Variants in SHB observed in about 807,000 individuals in gnomAD.
The protein encoded by SHB is SH2 domain-containing adapter protein B.
SHB carries 20 observed loss-of-function variants against 52.3 expected under a neutral mutation model. The ratio of observed to expected loss-of-function variants is 0.38; its 90% CI spans 0.27 to 0.56. The LOEUF is 0.56. Ranked by LOEUF, SHB falls within the 20% of genes least tolerant of loss-of-function variation. The probability of loss-of-function intolerance (pLI) is 0.71; values close to 1 mark genes in which losing one functional copy is unlikely to be tolerated. For missense variants in SHB, 825 were observed against 723.3 expected (o/e 1.14, Z -1.61); for synonymous variants, 397 against 316.5 (o/e 1.25, Z -2.70).
intron 1 of SHB, among the ~76,000 whole-genome samples, chr9:38,032,437 T>A (rs1046978926): frequency 1.3e-5 from 2 of 152,066 alleles, no homozygotes; most frequent in Non-Finnish European, 2.9e-5. Context: ...CAGGAAGAGA[T>A]CTCTGAAGGG....
At chr9:38,055,455 G>A (rs759879592) in intron 1 of SHB, among the ~76,000 whole-genome samples, 10 of 152,152 alleles carry the variant, frequency 6.6e-5, no homozygotes, top group Non-Finnish European at 1.3e-4. Context: ...GGGTGCAGAG[G>A]AAGAACCTGG....
In SHB at chr9:37,917,149, T is replaced by G. The variant is rs945088218; in HGVS notation, c.*2672A>C. On this transcript the variant is annotated 3_prime_UTR_variant, in exon 6 of 6. Transcript: ENST00000377707. ...CAATTGTTAGATGTCCAAGAAAACATGAATACAGGCTGACACAGGAAACGG... is the reference window on the plus strand; with the variant it reads ...CAATTGTTAGATGTCCAAGAAAACAGGAATACAGGCTGACACAGGAAACGG... 2.0e-5 allele frequency among the ~76,000 whole-genome samples: 3 copies of G among 151,720 alleles called. No homozygotes were observed. The highest frequency in any genetic ancestry group is 7.3e-5 in the African/African-American group (3 of 41,248).
At chr9:38,044,519 T>C (rs985712208) in intron 1 of SHB, among the ~76,000 whole-genome samples, 1 of 152,064 alleles carries the variant, frequency 6.6e-6, no homozygotes, top group African/African-American at 2.4e-5. Context: ...AAGCTCTCCA[T>C]AGAGGAGGTG....
At chr9:38,037,639 C>T (rs772472970) in intron 1 of SHB, among the ~76,000 whole-genome samples, 1 of 152,170 alleles carries the variant, frequency 6.6e-6, no homozygotes, top group Non-Finnish European at 1.5e-5. Flanking sequence ...ACAGGAGGGG[C>T]TCAACTGTGT....
chr9:37,989,089 A>ACT (rs5897711), intron 2 of SHB, among the ~76,000 whole-genome samples: 63,214 of 150,622 alleles, frequency 0.42, 13,287 homozygotes, highest in East Asian at 0.7. Context: ...ACACACACAC[A>ACT]CTCTCTCTCA....
At chr9:38,049,413 A>T (rs1409630555) in intron 1 of SHB, among the ~76,000 whole-genome samples, 3 of 152,070 alleles carry the variant, frequency 2.0e-5, no homozygotes, top group Non-Finnish European at 4.4e-5. Context: ...GTTTGAAACC[A>T]GCCTAGCCAA....
rs753188670 is a variant in SHB, at chr9:37,955,988, A to T, written c.1121T>A (p.Leu374His). 4 of 1,600,940 alleles carry T rather than the reference A, an allele frequency of 2.5e-6. No individual in the cohort carries two copies. The South Asian group carries it at 4.5e-5, about 18-fold the overall frequency. The change falls in exon 4 of 6, where the codon CTT (leucine) becomes CAT (histidine). Residue 374 changes from leucine to histidine, a missense_variant. Leu to His is a moderately conservative substitution (Grantham distance 99). Coordinates refer to ENST00000377707, the MANE Select transcript of SHB (RefSeq NM_003028.3). The part of the protein sequence containing the change: ...PSPSRDRRRQ[L>H]RAPGGGFKPI... ...CTTAAAGCCCCCTCCAGGGGCACGA[A>T]GCTGGCGCCGCCGGTCCCGCGAAGG...
intron 2 of SHB, among the ~76,000 whole-genome samples, chr9:37,985,401 T>G (rs1190184095): frequency 2.6e-5 from 4 of 152,258 alleles, no homozygotes; most frequent in Non-Finnish European, 5.9e-5. Flanking sequence ...AAAGGCCACG[T>G]GGACCTTGCC....
intron 5 of SHB, among the ~76,000 whole-genome samples, chr9:37,928,548 C>T (rs1295302989): frequency 5.3e-5 from 8 of 152,210 alleles, no homozygotes. Flanking sequence ...TACCCTACGA[C>T]GCACAGCACA....
chr9:38,015,866 T>C, intron 2 of SHB, 145 bp downstream of exon 2: 1 of 780,408 alleles, frequency 1.3e-6, no homozygotes, highest in African/African-American at 1.7e-5. Flanking sequence ...GGGGAAGACT[T>C]AATACAGCAT....
At chr9:37,974,950 CAG>C (rs1355067079) in intron 2 of SHB, 113 bp from the exon 3 acceptor site, 6 of 867,926 alleles carry the variant, frequency 6.9e-6, no homozygotes, top group Non-Finnish European at 7.4e-6. Flanking sequence ...GTGAGAACGA[CAG>C]AGAGACAGAC....
chr9:37,922,625 A>G (rs921479729), intron 5 of SHB, among the ~76,000 whole-genome samples: 1 of 152,214 alleles, frequency 6.6e-6, no homozygotes, highest in Non-Finnish European at 1.5e-5. Flanking sequence ...CAGACTGGTC[A>G]TGAAGCTCAG....
intron 4 of SHB, among the ~76,000 whole-genome samples, chr9:37,951,903 G>GC (rs1255595004): frequency 3.9e-5 from 6 of 152,236 alleles, no homozygotes; most frequent in African/African-American, 1.2e-4. Context: ...GCGGTCCTGT[G>GC]GGGGGCTACA....
At chr9:37,962,334 G>A (rs1025935938) in intron 3 of SHB, among the ~76,000 whole-genome samples, 9 of 152,064 alleles carry the variant, frequency 5.9e-5, no homozygotes, top group Non-Finnish European at 8.8e-5. Context: ...CTAAATTCCC[G>A]ATACCTAAAA....
At chr9:37,972,411 A>C (rs1820600595) in intron 3 of SHB, among the ~76,000 whole-genome samples, 1 of 152,210 alleles carries the variant, frequency 6.6e-6, no homozygotes, top group South Asian at 2.1e-4. Context: ...CTACAGCCAC[A>C]GGATGACTCT....
chr9:38,049,051 C>T (rs995280642), intron 1 of SHB, among the ~76,000 whole-genome samples: 2 of 152,166 alleles, frequency 1.3e-5, no homozygotes, highest in African/African-American at 2.4e-5. Flanking sequence ...GACAGAGTCT[C>T]GCTCTGTCAC....
At chr9:38,063,160 G>A (rs1821916822) in intron 1 of SHB, among the ~76,000 whole-genome samples, 1 of 152,180 alleles carries the variant, frequency 6.6e-6, no homozygotes. Flanking sequence ...AGTGTCCCAA[G>A]CCAAACCACA....
chr9:38,026,197 TG>T (rs1821340241), intron 1 of SHB, among the ~76,000 whole-genome samples: 1 of 152,200 alleles, frequency 6.6e-6, no homozygotes, highest in South Asian at 2.1e-4. Flanking sequence ...GCCTTTCCTG[TG>T]CAATGTGGTA....
intron 5 of SHB, among the ~76,000 whole-genome samples, chr9:37,933,427 A>G (rs1036761166): frequency 6.6e-6 from 1 of 152,200 alleles, no homozygotes; most frequent in Non-Finnish European, 1.5e-5. Flanking sequence ...AAGGAAGGAT[A>G]TTAAACAAAA....
Sources: allele counts gnomAD v4.1 joint callset (sites outside exome capture counted in the v4.1 genomes callset), GRCh38; gene constraint gnomAD v4.1.1; transcripts MANE v1.5; gene names NCBI Gene and HGNC (gene_info 2026-07-23, HGNC 2026-07-21).